The following MCF2 variants were observed in gnomAD, a reference collection of about 807,000 sequenced individuals.
The protein encoded by MCF2 is MCF.2 cell line derived transforming sequence, also known as proto-oncogene DBL.
In MCF2, 44 loss-of-function variants were observed where a neutral mutation model predicts 82.5. That is an observed-to-expected ratio of 0.53 (90% CI 0.42 to 0.69). The LOEUF is 0.69. Among genes scored for constraint, MCF2 ranks in the 30% least tolerant of loss-of-function variants. MCF2 has a pLI of 0.00. For synonymous variants in MCF2, 217 were observed against 224.9 expected, an observed-to-expected ratio of 0.96 and a Z score of 0.32; for missense variants, 623 against 663.1, an observed-to-expected ratio of 0.94 and a Z score of 0.66.
At chrX:139,632,814 C>A in intron 1 of MCF2, among the ~76,000 whole-genome samples, 1 of 111,172 alleles carries the variant, frequency 9.0e-6, no homozygotes, top group Non-Finnish European at 1.9e-5. Context: ...CCTAGGATAA[C>A]CCTAAAAGTC....
intron 2 of MCF2, 61 bp downstream of exon 2, chrX:139,651,659 C>T: frequency 1.4e-6 from 1 of 702,735 alleles, no homozygotes; most frequent in South Asian, 2.7e-5. Context: ...TAATAGGTAC[C>T]AAACTAACTG....
intron 1 of MCF2, chrX:139,692,140 G>A (rs1389400577): frequency 7.0e-6 from 8 of 1,143,122 alleles, no homozygotes; most frequent in Non-Finnish European, 9.4e-6. Flanking sequence ...CTGGCCGCCC[G>A]CCTTGGCGAA....
intron 1 of MCF2, among the ~76,000 whole-genome samples, chrX:139,675,527 T>A (rs1319590346): frequency 8.9e-6 from 1 of 112,704 alleles, no homozygotes; most frequent in Non-Finnish European, 1.9e-5. Context: ...TATTCCTTTC[T>A]GTTTGTTAGT....
intron 1 of MCF2, among the ~76,000 whole-genome samples, chrX:139,696,393 TCTC>T (rs1343576221): frequency 1.6e-4 from 17 of 106,455 alleles, no homozygotes; most frequent in African/African-American, 5.5e-4. Flanking sequence ...TCTCATCTCG[TCTC>T]CTCTTCTTTT....
chrX:139,701,549 C>T (rs1361211249), intron 1 of MCF2, among the ~76,000 whole-genome samples: 1 of 111,843 alleles, frequency 8.9e-6, no homozygotes, highest in Non-Finnish European at 1.9e-5. Flanking sequence ...CTGAGAATTT[C>T]CAGCCTGCTG....
At chrX:139,638,253 A>C (rs1316822412) in intron 1 of MCF2, among the ~76,000 whole-genome samples, 6 of 111,558 alleles carry the variant, frequency 5.4e-5, no homozygotes, top group African/African-American at 9.8e-5. Flanking sequence ...GTTGAACTAG[A>C]CTCAGTCAAC....
chrX:139,654,810 TGATTTTTGTGTATGGTGAGA>T (rs1396407900), intron 1 of MCF2, among the ~76,000 whole-genome samples: 1 of 112,258 alleles, frequency 8.9e-6, no homozygotes, highest in Non-Finnish European at 1.9e-5. Flanking sequence ...CATTTTGATT[TGATTTTTGTGTATGGTGAGA>T]GATAGGGATC....
exon 4 of MCF2, chrX:139,629,820 C>T: frequency 8.3e-7 from 1 of 1,208,771 alleles, no homozygotes; most frequent in Non-Finnish European, 1.1e-6. Flanking sequence ...ATTTCTTTCA[C>T]TGTGAGGGCA....
intron 1 of MCF2, among the ~76,000 whole-genome samples, chrX:139,672,583 TTGCC>T (rs1243698113): frequency 1.8e-5 from 2 of 112,374 alleles, no homozygotes; most frequent in Non-Finnish European, 3.8e-5. Flanking sequence ...CATATGGTTT[TTGCC>T]GTTGGTCCTG....
Position 139,636,281 on chromosome X carries a change from C to T in MCF2, c.52-3827G>A, listed in dbSNP as rs149810306. The stretch of plus-strand genomic sequence containing the variant: ...AGTTAAGCCTTTCCTTTTTCTTCAC[C>T]TGGGTAAATTCCCATTATATTATTA... On this transcript the variant is annotated intron_variant, in intron 1 of 24. Coordinates refer to ENST00000370576, the Ensembl canonical transcript of MCF2. 4.4e-3 allele frequency among the ~76,000 whole-genome samples: 492 copies of T among 110,899 alleles called. 3 individuals carry two copies. Among genetic ancestry groups the T allele is most frequent in the African/African-American group, 0.015 (467 of 30,541 alleles).
intron 1 of MCF2, among the ~76,000 whole-genome samples, chrX:139,699,805 A>T (rs1935453023): frequency 8.9e-6 from 1 of 112,236 alleles, no homozygotes; most frequent in South Asian, 3.7e-4. Context: ...GATATTTTAA[A>T]ACTAACACGA....
chrX:139,647,019 TG>T, upstream of MCF2: 1 of 470,176 alleles, frequency 2.1e-6, no homozygotes, highest in Non-Finnish European at 3.6e-6. Flanking sequence ...GCAAAGATGA[TG>T]ATCTCCACAT....
intron 4 of MCF2, among the ~76,000 whole-genome samples, chrX:139,628,045 A>G (rs1361137251): frequency 8.9e-6 from 1 of 112,302 alleles, no homozygotes; most frequent in African/African-American, 3.2e-5. Context: ...AAATTAGTTC[A>G]GTCACTGTGG....
At chrX:139,634,020 G>T (rs1233626488) in intron 1 of MCF2, among the ~76,000 whole-genome samples, 1 of 111,281 alleles carries the variant, frequency 9.0e-6, no homozygotes, top group Non-Finnish European at 1.9e-5. Context: ...AGAGAAACAG[G>T]TTTTAAGAAG....
chrX:139,699,567 C>T (rs767873139), intron 1 of MCF2, among the ~76,000 whole-genome samples: 1 of 112,050 alleles, frequency 8.9e-6, no homozygotes, highest in Non-Finnish European at 1.9e-5. Context: ...AATGGATCTA[C>T]CTATTCTGGA....
At chrX:139,585,223 T>A (rs1376545470) in intron 23 of MCF2, 45 bp from the exon 28 acceptor site, 1 of 817,548 alleles carries the variant, frequency 1.2e-6, no homozygotes, top group East Asian at 3.2e-5. Flanking sequence ...ATGGTGCTAA[T>A]TTACCACAAG....
exon 25 of MCF2, chrX:139,581,781 A>C (rs900003090): frequency 8.9e-6 from 1 of 112,174 alleles, no homozygotes; most frequent in Non-Finnish European, 1.9e-5. Flanking sequence ...AACCTGAAGA[A>C]TTAATTTTTA....
intron 10 of MCF2, 91 bp downstream of exon 13, chrX:139,614,790 C>A: frequency 2.4e-6 from 2 of 841,954 alleles, no homozygotes; most frequent in East Asian, 3.2e-5. Flanking sequence ...TTCATCTATC[C>A]GCATTGAAGA....
At chrX:139,631,354 G>GA in intron 3 of MCF2, 41 bp downstream of exon 6, 1 of 740,609 alleles carries the variant, frequency 1.4e-6, no homozygotes, top group East Asian at 3.4e-5. Flanking sequence ...AGGCTAACAT[G>GA]AAGAACTATA....
Sources: allele counts gnomAD v4.1 joint callset (sites outside exome capture counted in the v4.1 genomes callset), GRCh38; gene constraint gnomAD v4.1.1; transcripts MANE v1.5; gene names NCBI Gene and HGNC (gene_info 2026-07-23, HGNC 2026-07-21).